Variants in UBE2E2 observed in about 807,000 individuals in gnomAD.
UBE2E2 encodes ubiquitin conjugating enzyme E2 E2.
UBE2E2 carries 6 observed loss-of-function variants against 24.7 expected under a neutral mutation model. The ratio of observed to expected loss-of-function variants is 0.24; its 90% confidence interval spans 0.13 to 0.48. UBE2E2 has a LOEUF of 0.48. Among genes scored for constraint, UBE2E2 ranks in the 20% least tolerant of loss-of-function variants. The pLI, the probability that UBE2E2 is intolerant of heterozygous loss-of-function variation, is 0.99. For synonymous variants in UBE2E2, 104 were observed against 83.6 expected (o/e 1.24, Z -1.33); for missense variants, 169 against 245.0 (o/e 0.69, Z 2.07).
At chr3:23,251,863 A>G (rs116656277) in intron 3 of UBE2E2, among the ~76,000 whole-genome samples, 2,170 of 152,332 alleles carry the variant, frequency 0.014, 41 homozygotes, top group African/African-American at 0.049. Flanking sequence ...CCATACATTT[A>G]TAGGCAAATG....
At chr3:23,319,190 G>T (rs943919011) in intron 3 of UBE2E2, among the ~76,000 whole-genome samples, 1 of 152,084 alleles carries the variant, frequency 6.6e-6, no homozygotes, top group Non-Finnish European at 1.5e-5. Flanking sequence ...TTAAAATCTG[G>T]TTTTATAAAC....
At chr3:23,345,255 TAGG>T (rs1695518349) in intron 3 of UBE2E2, among the ~76,000 whole-genome samples, 1 of 152,202 alleles carries the variant, frequency 6.6e-6, no homozygotes, top group Non-Finnish European at 1.5e-5. Context: ...TGGAAAGAGT[TAGG>T]TTCATACCTC....
chr3:23,247,357 A>AT (rs201663345), intron 3 of UBE2E2, among the ~76,000 whole-genome samples: 4,816 of 138,696 alleles, frequency 0.035, 147 homozygotes, highest in East Asian at 0.16. Context: ...CTCTGAGTGT[A>AT]TTTTTTTTTT....
chr3:23,492,659 A>G (rs1699522879), intron 3 of UBE2E2, among the ~76,000 whole-genome samples: 1 of 152,202 alleles, frequency 6.6e-6, no homozygotes, highest in African/African-American at 2.4e-5. Context: ...TAGTTATGCC[A>G]TCAATTATAA....
intron 3 of UBE2E2, among the ~76,000 whole-genome samples, chr3:23,244,380 C>T (rs1697333237): frequency 1.3e-5 from 2 of 152,086 alleles, no homozygotes; most frequent in African/African-American, 2.4e-5. Context: ...TTGTAATACA[C>T]ATTCTTTTAG....
chr3:23,320,740 A>G (rs989653816), intron 3 of UBE2E2, among the ~76,000 whole-genome samples: 1 of 152,108 alleles, frequency 6.6e-6, no homozygotes, highest in African/African-American at 2.4e-5. Context: ...ACTACTAGGG[A>G]TTATTGTGGC....
At chr3:23,328,748 G>A (rs1694980982) in intron 3 of UBE2E2, among the ~76,000 whole-genome samples, 1 of 150,136 alleles carries the variant, frequency 6.7e-6, no homozygotes, top group Non-Finnish European at 1.5e-5. Flanking sequence ...TGCAACCTCT[G>A]CCTCCTAGAT....
At chr3:23,506,959 G>T (rs1165901959) in intron 4 of UBE2E2, among the ~76,000 whole-genome samples, 2 of 152,164 alleles carry the variant, frequency 1.3e-5, no homozygotes, top group Non-Finnish European at 2.9e-5. Flanking sequence ...TAGTGTGTCA[G>T]ATTATGTAAA....
At chr3:23,203,130 G>A (rs1696002381), upstream of UBE2E2, 2 of 984,396 alleles carry the variant, frequency 2.0e-6, no homozygotes, top group African/African-American at 1.8e-5. Context: ...GCGGACGGCC[G>A]GGCGGCGGCG....
intron 5 of UBE2E2, among the ~76,000 whole-genome samples, chr3:23,561,323 T>C (rs1340171623): frequency 6.6e-6 from 1 of 152,260 alleles, no homozygotes; most frequent in Non-Finnish European, 1.5e-5. Context: ...ATTTGTTAAA[T>C]AGGGAATCCT....
rs539579429 is a variant in UBE2E2, at chr3:23,326,427, T to G, written c.227+109115T>G. On this transcript the variant is annotated intron_variant, in intron 3 of 5. Coordinates refer to ENST00000396703, the MANE Select transcript of UBE2E2 (RefSeq NM_152653.4). ...TACCAATTATCTGGCTTTTCAAGAT[T>G]TTTCAAAACATTTTTTGAAAAATTT... Among the ~76,000 whole-genome samples the G allele has an allele frequency of 9.8e-5, 15 of 152,306 alleles. No homozygotes were observed. The South Asian group carries it at 2.5e-3, about 25-fold the overall frequency.
At chr3:23,446,383 C>CTA (rs930136368) in intron 3 of UBE2E2, among the ~76,000 whole-genome samples, 54 of 152,244 alleles carry the variant, frequency 3.5e-4, no homozygotes, top group African/African-American at 1.3e-3. Context: ...CTTAAGCTGG[C>CTA]TAGGGTACTT....
chr3:23,401,775 G>C (rs1383866263), intron 3 of UBE2E2, among the ~76,000 whole-genome samples: 1 of 151,690 alleles, frequency 6.6e-6, no homozygotes, highest in Non-Finnish European at 1.5e-5. Flanking sequence ...CTGCCTCCTG[G>C]GTTCAAGCAG....
chr3:23,458,221 G>A (rs1380836927), intron 3 of UBE2E2, among the ~76,000 whole-genome samples: 2 of 151,886 alleles, frequency 1.3e-5, no homozygotes, highest in Admixed American at 6.6e-5. Context: ...GTATTGTTGC[G>A]TCGCAGGGAA....
chr3:23,302,103 T>C (rs1053101524), intron 3 of UBE2E2, among the ~76,000 whole-genome samples: 1 of 152,180 alleles, frequency 6.6e-6, no homozygotes, highest in Admixed American at 6.6e-5. Context: ...CCAGGAGTTC[T>C]TGAGGCTTGG....
intron 3 of UBE2E2, among the ~76,000 whole-genome samples, chr3:23,468,261 T>C (rs1698964574): frequency 6.6e-6 from 1 of 152,222 alleles, no homozygotes; most frequent in Non-Finnish European, 1.5e-5. Context: ...TCTCTGGACT[T>C]TCAATTGTTA....
At chr3:23,555,805 G>T (rs1401278203) in intron 5 of UBE2E2, among the ~76,000 whole-genome samples, 1 of 152,078 alleles carries the variant, frequency 6.6e-6, no homozygotes, top group Non-Finnish European at 1.5e-5. Context: ...ATTTATATGT[G>T]GAATTTTTCT....
intron 5 of UBE2E2, among the ~76,000 whole-genome samples, chr3:23,559,843 T>G (rs1356304938): frequency 6.6e-6 from 1 of 152,162 alleles, no homozygotes; most frequent in African/African-American, 2.4e-5. Context: ...TTATTACTGA[T>G]TTTTTAATGA....
intron 3 of UBE2E2, among the ~76,000 whole-genome samples, chr3:23,290,268 T>C (rs1287088512): frequency 6.6e-6 from 1 of 152,228 alleles, no homozygotes; most frequent in Non-Finnish European, 1.5e-5. Context: ...CTTTATTAGT[T>C]TGTGGACCAT....
Sources: allele counts gnomAD v4.1 joint callset (sites outside exome capture counted in the v4.1 genomes callset), GRCh38; gene constraint gnomAD v4.1.1; transcripts MANE v1.5; gene names NCBI Gene and HGNC (gene_info 2026-07-23, HGNC 2026-07-21).